The following LRRTM4 variants were observed in gnomAD, a reference collection of about 807,000 sequenced individuals.
LRRTM4 encodes leucine-rich repeat transmembrane neuronal protein 4.
A neutral mutation model predicts 47.6 loss-of-function variants in LRRTM4; 25 were observed. The ratio of observed to expected loss-of-function variants is 0.53; its 90% confidence interval spans 0.38 to 0.73. The LOEUF is 0.73. LRRTM4 is among the 30% of genes least tolerant of loss of function. The pLI, the probability that LRRTM4 is intolerant of heterozygous loss-of-function variation, is 0.00. For synonymous variants in LRRTM4, 311 were observed against 269.5 expected, an observed-to-expected ratio of 1.15 and a Z score of -1.51; for missense variants, 638 against 713.4, an observed-to-expected ratio of 0.89 and a Z score of 1.20.
intron 3 of LRRTM4, among the ~76,000 whole-genome samples, chr2:76,905,165 G>A (rs938011725): frequency 5.9e-5 from 9 of 152,122 alleles, no homozygotes; most frequent in African/African-American, 1.9e-4. Flanking sequence ...CCAGAGGAAC[G>A]ATCAGACAGC....
At chr2:77,136,295 C>A (rs1671939892) in intron 3 of LRRTM4, among the ~76,000 whole-genome samples, 1 of 152,152 alleles carries the variant, frequency 6.6e-6, no homozygotes. Flanking sequence ...GAAGAACGAT[C>A]AGGCAACAAC....
At chr2:77,305,963 T>C (rs1464359039) in intron 3 of LRRTM4, among the ~76,000 whole-genome samples, 1 of 152,156 alleles carries the variant, frequency 6.6e-6, no homozygotes, top group African/African-American at 2.4e-5. Context: ...CTGGATTACA[T>C]CATTTTGCAA....
intron 3 of LRRTM4, among the ~76,000 whole-genome samples, chr2:77,162,927 G>A (rs1162217259): frequency 6.6e-6 from 1 of 152,180 alleles, no homozygotes; most frequent in Admixed American, 6.5e-5. Flanking sequence ...CTCCTCCAAA[G>A]GAATGCAGCT....
At chr2:76,785,936 A>G (rs1674648208) in intron 3 of LRRTM4, among the ~76,000 whole-genome samples, 3 of 152,194 alleles carry the variant, frequency 2.0e-5, no homozygotes, top group Admixed American at 2.0e-4. Context: ...GGGTAGAAAT[A>G]TCTGCAGCAA....
chr2:77,025,169 T>C (rs1678412235), intron 3 of LRRTM4, among the ~76,000 whole-genome samples: 1 of 152,180 alleles, frequency 6.6e-6, no homozygotes, highest in Non-Finnish European at 1.5e-5. Flanking sequence ...GTAAAATCCA[T>C]GACATGTCAA....
At position 76,943,103 on chromosome 2, in the gene LRRTM4, T is replaced by A. The variant is rs112935733; in HGVS notation, c.1552-194187A>T. Among the ~76,000 whole-genome samples the A allele has an allele frequency of 1.1e-3, 172 of 152,318 alleles. 1 individual carries two copies. The highest frequency in any genetic ancestry group is 1.2e-3 in the Non-Finnish European group (80 of 68,024). ...AACTCTACATCGTAGTTTTTAGCCC[T>A]GCCTTCACACTAGAATTCCGGGAAA... is the stretch of plus-strand genomic sequence containing the variant. On this transcript the variant is annotated intron_variant, in intron 3 of 3. Transcript: ENST00000409884.
chr2:77,117,883 C>T (rs1209806864), intron 3 of LRRTM4, among the ~76,000 whole-genome samples: 1 of 151,828 alleles, frequency 6.6e-6, no homozygotes, highest in Non-Finnish European at 1.5e-5. Context: ...CTTTATTTGT[C>T]CTCCTGCTGT....
At chr2:77,467,934 T>C (rs1221752962) in intron 3 of LRRTM4, among the ~76,000 whole-genome samples, 2 of 152,214 alleles carry the variant, frequency 1.3e-5, no homozygotes, top group African/African-American at 4.8e-5. Flanking sequence ...TAGTACTGTT[T>C]ACTTTTGAGT....
chr2:76,813,001 T>G (rs1035006548), intron 3 of LRRTM4, among the ~76,000 whole-genome samples: 18 of 151,920 alleles, frequency 1.2e-4, no homozygotes, highest in Non-Finnish European at 2.2e-4. Flanking sequence ...CTGTCTCTAC[T>G]AAAAATACAA....
At chr2:77,488,312 G>T (rs1678006703) in intron 3 of LRRTM4, among the ~76,000 whole-genome samples, 1 of 152,200 alleles carries the variant, frequency 6.6e-6, no homozygotes, top group African/African-American at 2.4e-5. Context: ...AGCACCTGGA[G>T]CTGCCTGCCC....
rs762001726 is a variant in LRRTM4 at position 77,519,868 on chromosome 2, C to T, written c.5-4G>A. 8.3e-6 allele frequency: 13 copies of T among 1,570,380 alleles called. No homozygotes were observed. In the East Asian group the frequency reaches 2.5e-4, roughly 30 times the overall value. ...AGCTGCGTAATTAAATGGAAACCTA[C>T]GATATTAAAAAAAAGACAGATGCAC... On this transcript the variant is annotated splice_region_variant and splice_polypyrimidine_tract_variant and intron_variant, in intron 2 of 3. Transcript: ENST00000409884. This position sits in a 1 kb window ranked among gnomAD's most constrained non-coding sequence, Gnocchi z 4.6.
chr2:77,403,356 ACTT>A (rs1365464929), intron 3 of LRRTM4, among the ~76,000 whole-genome samples: 1 of 151,934 alleles, frequency 6.6e-6, no homozygotes, highest in Non-Finnish European at 1.5e-5. Flanking sequence ...TATGATGGGA[ACTT>A]CTTTGAGGCC....
intron 3 of LRRTM4, among the ~76,000 whole-genome samples, chr2:76,764,917 G>A (rs1233440161): frequency 1.3e-5 from 2 of 152,188 alleles, no homozygotes; most frequent in African/African-American, 4.8e-5. Flanking sequence ...AACAAGCCAG[G>A]CTGTTTCTGC....
intron 3 of LRRTM4, among the ~76,000 whole-genome samples, chr2:77,221,612 C>T (rs1330385347): frequency 6.6e-6 from 1 of 151,820 alleles, no homozygotes; most frequent in Non-Finnish European, 1.5e-5. Context: ...ACAAAGAAGG[C>T]CATTACATAA....
intron 3 of LRRTM4, among the ~76,000 whole-genome samples, chr2:77,142,716 G>T (rs139317548): frequency 1.8e-3 from 273 of 152,254 alleles, no homozygotes; most frequent in African/African-American, 6.3e-3. Context: ...GAATGCTGAA[G>T]ATGATACTCT....
intron 3 of LRRTM4, among the ~76,000 whole-genome samples, chr2:76,924,002 T>C (rs1674512375): frequency 6.6e-6 from 1 of 151,986 alleles, no homozygotes; most frequent in South Asian, 2.1e-4. Flanking sequence ...TTCAACGGTG[T>C]TTTCATTTAG....
chr2:77,283,539 T>C (rs772433886), intron 3 of LRRTM4, among the ~76,000 whole-genome samples: 1 of 152,054 alleles, frequency 6.6e-6, no homozygotes, highest in Non-Finnish European at 1.5e-5. Flanking sequence ...ATTGCAGCAG[T>C]ATTCACAATA....
chr2:77,146,605 T>C (rs1243929529), intron 3 of LRRTM4, among the ~76,000 whole-genome samples: 1 of 152,202 alleles, frequency 6.6e-6, no homozygotes, highest in Non-Finnish European at 1.5e-5. Context: ...TCTTTTTTCA[T>C]TGTTGCCAAA....
chr2:76,816,818 A>AGTT, intron 3 of LRRTM4, among the ~76,000 whole-genome samples: 6 of 30,896 alleles, frequency 1.9e-4, no homozygotes, highest in African/African-American at 5.3e-4. Flanking sequence ...AGAGGTAAAG[A>AGTT]GTTTTTTTTT....
Sources: gnomAD v4.1 joint callset for allele counts (sites outside exome capture counted in the v4.1 genomes callset) on GRCh38, gnomAD v4.1.1 for gene constraint, Gnocchi (gnomAD v3.1) non-coding constraint, MANE v1.5 for transcripts, NCBI Gene and HGNC (gene_info 2026-07-23, HGNC 2026-07-21) for gene names.